The following DNAH5 variants were observed in gnomAD, a reference collection of about 807,000 sequenced individuals.
DNAH5 encodes dynein axonemal heavy chain 5, also known as axonemal beta dynein heavy chain 5.
DNAH5 carries 372 observed loss-of-function variants against 518.2 expected under a neutral mutation model. The ratio of observed to expected loss-of-function variants is 0.72; its 90% confidence interval spans 0.66 to 0.78. DNAH5 has a LOEUF of 0.78. Ranked by LOEUF, DNAH5 falls within the 30% of genes least tolerant of loss-of-function variation. The probability of loss-of-function intolerance (pLI) is 0.00; values close to 1 mark genes in which losing one functional copy is unlikely to be tolerated. For missense variants in DNAH5, 5,523 were observed against 5,687.0 expected (o/e 0.97, Z 0.93); for synonymous variants, 2,039 against 2,025.9 (o/e 1.01, Z -0.17).
chr5:13,853,148 C>T (rs1254290012), intron 30 of DNAH5, among the ~76,000 whole-genome samples: 5 of 152,212 alleles, frequency 3.3e-5, no homozygotes, highest in Non-Finnish European at 7.3e-5. Flanking sequence ...AGGTGCCCCT[C>T]TCAGACAAAG....
chr5:13,714,705 C>A, intron 74 of DNAH5, 85 bp from the exon 75 acceptor site: 1 of 1,295,206 alleles, frequency 7.7e-7, no homozygotes, highest in Non-Finnish European at 1.1e-6. Flanking sequence ...AAAAATGCTT[C>A]TATGAGGGTA....
chr5:13,900,438 C>T, intron 14 of DNAH5, 26 bp from the exon 15 acceptor site: 2 of 1,589,740 alleles, frequency 1.3e-6, no homozygotes, highest in Non-Finnish European at 1.7e-6. Flanking sequence ...AACATCATTA[C>T]TATCAGAAAG....
At chr5:13,858,611 G>A (rs937089499) in intron 30 of DNAH5, among the ~76,000 whole-genome samples, 2 of 151,928 alleles carry the variant, frequency 1.3e-5, no homozygotes, top group African/African-American at 4.8e-5. Flanking sequence ...TTTAAGAAAA[G>A]AAGATGAAAA....
At chr5:13,764,002 T>C (rs1752144251) in intron 59 of DNAH5, among the ~76,000 whole-genome samples, 1 of 152,236 alleles carries the variant, frequency 6.6e-6, no homozygotes, top group African/African-American at 2.4e-5. Flanking sequence ...ATAGCTGCTG[T>C]GTGCACCTCA....
At chr5:13,819,460 A>T (rs1761938495) in intron 41 of DNAH5, among the ~76,000 whole-genome samples, 1 of 152,152 alleles carries the variant, frequency 6.6e-6, no homozygotes, top group Non-Finnish European at 1.5e-5. Flanking sequence ...AGCAACCACC[A>T]ACAATGTACC....
intron 1 of DNAH5, among the ~76,000 whole-genome samples, chr5:13,999,652 G>A (rs982445787): frequency 3.3e-5 from 5 of 152,150 alleles, no homozygotes; most frequent in African/African-American, 9.7e-5. Flanking sequence ...CAATAAACAC[G>A]AGAACACTGC....
chr5:13,886,386 T>C (rs1479406038), intron 17 of DNAH5, among the ~76,000 whole-genome samples: 1 of 152,180 alleles, frequency 6.6e-6, no homozygotes, highest in Non-Finnish European at 1.5e-5. Flanking sequence ...AGAGAAAATA[T>C]CTTCAAAAGC....
chr5:13,985,864 T>A (rs2152070577), intron 1 of DNAH5, among the ~76,000 whole-genome samples: 1 of 152,294 alleles, frequency 6.6e-6, no homozygotes, highest in African/African-American at 2.4e-5. Flanking sequence ...TGTCCACAAA[T>A]GGCCCGGGCT....
chr5:13,977,552 C>A (rs1453251597), intron 1 of DNAH5, among the ~76,000 whole-genome samples: 1 of 152,208 alleles, frequency 6.6e-6, no homozygotes, highest in East Asian at 1.9e-4. Flanking sequence ...TTTCCTCCCT[C>A]CCCTCAATTT....
intron 70 of DNAH5, among the ~76,000 whole-genome samples, chr5:13,722,106 G>T (rs1401523029): frequency 6.6e-6 from 1 of 152,064 alleles, no homozygotes; most frequent in Non-Finnish European, 1.5e-5. Context: ...TAACTTAGGC[G>T]TGGGTGCAAC....
chr5:13,942,371 T>C lies in DNAH5; in HGVS notation c.57+2011A>G, dbSNP rs147666490. The stretch of plus-strand genomic sequence containing the variant: ...TTGTAGTTAAATACATACATACTTA[T>C]AGTTAGGTAGCTCTGGAATGTTTCC... On this transcript the variant is annotated intron_variant, in intron 1 of 78. Transcript: ENST00000265104. Among the ~76,000 whole-genome samples, 121 of 152,308 alleles carry C rather than the reference T, an allele frequency of 7.9e-4. No individual in the cohort carries two copies. The Middle Eastern group carries it at 0.01, about 13-fold the overall frequency.
chr5:13,770,947 T>C lies in DNAH5; in HGVS notation c.9407A>G (p.Asp3136Gly). The change falls in exon 56 of 79, where the codon GAC becomes GGC. Residue 3136 changes from aspartate (D) to glycine (G), a missense_variant. Physicochemically the swap from Asp to Gly is moderately conservative, Grantham distance 94 (BLOSUM62 -1). Transcript: ENST00000265104. ...SEHFLTSYDIDCSLEIKKEVV... is the reference protein window; with the variant it reads ...SEHFLTSYDIGCSLEIKKEVV... The stretch of plus-strand genomic sequence containing the variant: ...CTCCTTCTTGATTTCCAAACTGCAG[T>C]CAATATCATAGGAAGTGAGGAAGTG... 1 of 1,613,952 alleles carries C rather than the reference T, an allele frequency of 6.2e-7. No individual in the cohort carries two copies. The highest frequency in any genetic ancestry group is 8.5e-7 in the Non-Finnish European group (1 of 1,179,898).
Position 13,855,497 on chromosome 5 carries a change from C to A in DNAH5, c.4950+3955G>T, listed in dbSNP as rs1263862581. 1.7e-4 allele frequency among the ~76,000 whole-genome samples: 8 copies of A among 48,242 alleles called. 3 individuals are homozygous for A. The highest frequency in any genetic ancestry group is 5.3e-4 in the African/African-American group (8 of 15,138). The allele number at this position is 48,242 out of a possible 152,430, so 31.6% of individuals were successfully genotyped here. A position where few individuals can be genotyped will look rare whatever the true frequency, so the allele number is the denominator to read the frequency against. On this transcript the variant is annotated intron_variant, in intron 30 of 78. Transcript: ENST00000265104. Reference sequence around the variant, plus strand: ...TGCTGGGATTACAGGCGTGAGCCACCGCGCCCGGCCATAAATCTTACATTT... The same window carrying A: ...TGCTGGGATTACAGGCGTGAGCCACAGCGCCCGGCCATAAATCTTACATTT...
chr5:13,772,798 C>T (rs1753524485), intron 55 of DNAH5, among the ~76,000 whole-genome samples: 1 of 152,022 alleles, frequency 6.6e-6, no homozygotes, highest in Non-Finnish European at 1.5e-5. Context: ...GGAAATATTT[C>T]TTATGATCTA....
chr5:13,797,080 C>A (rs78553366), intron 47 of DNAH5, among the ~76,000 whole-genome samples: 1 of 152,152 alleles, frequency 6.6e-6, no homozygotes, highest in Non-Finnish European at 1.5e-5. Context: ...AAATGTTAGA[C>A]CTGAAACTAT....
intron 44 of DNAH5, among the ~76,000 whole-genome samples, 169 bp downstream of exon 44, chr5:13,811,478 T>A (rs1760702202): frequency 6.6e-6 from 1 of 152,208 alleles, no homozygotes; most frequent in African/African-American, 2.4e-5. Context: ...ATATGTGGGA[T>A]CCATGTTTGA....
chr5:13,999,009 C>T (rs968360916), intron 1 of DNAH5, among the ~76,000 whole-genome samples: 3 of 152,120 alleles, frequency 2.0e-5, no homozygotes, highest in African/African-American at 7.2e-5. Flanking sequence ...GTACCTGGGA[C>T]TACAGGCATG....
At chr5:13,870,660 G>C (rs1769955744) in intron 24 of DNAH5, 107 bp downstream of exon 24, 4 of 1,018,894 alleles carry the variant, frequency 3.9e-6, no homozygotes, top group Admixed American at 2.0e-5. Flanking sequence ...TTATTGTCTT[G>C]GTTTAGTAAC....
intron 1 of DNAH5, among the ~76,000 whole-genome samples, chr5:13,991,524 G>C (rs541408604): frequency 6.7e-6 from 1 of 149,292 alleles, no homozygotes; most frequent in South Asian, 2.2e-4. Context: ...GGAAGAGGAG[G>C]GGAGGAGGGG....
Sources: gnomAD v4.1 joint callset for allele counts (sites outside exome capture counted in the v4.1 genomes callset) on GRCh38, gnomAD v4.1.1 for gene constraint, MANE v1.5 for transcripts, NCBI Gene and HGNC (gene_info 2026-07-23, HGNC 2026-07-21) for gene names.